Variants in DGKG observed in about 807,000 individuals in gnomAD.
DGKG encodes the protein DAG kinase gamma.
A neutral mutation model predicts 105.3 loss-of-function variants in DGKG; 78 were observed. That is an observed-to-expected ratio of 0.74 (90% CI 0.62 to 0.89). The LOEUF (loss-of-function observed/expected upper bound fraction) is 0.89, where lower values mean the gene tolerates loss of function less well. Ranked by LOEUF, DGKG falls within the 40% of genes least tolerant of loss-of-function variation. DGKG has a pLI of 0.00. For missense variants in DGKG, 958 were observed against 1,020.1 expected, an observed-to-expected ratio of 0.94 and a Z score of 0.83; for synonymous variants, 346 against 367.1, an observed-to-expected ratio of 0.94 and a Z score of 0.66.
intron 1 of DGKG, among the ~76,000 whole-genome samples, chr3:186,352,861 C>T (rs565458050): frequency 4.6e-5 from 7 of 152,230 alleles, no homozygotes; most frequent in East Asian, 3.9e-4. Flanking sequence ...AATGTGGCCA[C>T]GTCAGTCCCC....
At chr3:186,151,716 G>C (rs943195863) in intron 24 of DGKG, among the ~76,000 whole-genome samples, 1 of 152,164 alleles carries the variant, frequency 6.6e-6, no homozygotes, top group Non-Finnish European at 1.5e-5. Context: ...AAGAGTTTGA[G>C]GGAAATTATT....
At chr3:186,298,764 A>G (rs1723722612) in intron 3 of DGKG, among the ~76,000 whole-genome samples, 1 of 152,210 alleles carries the variant, frequency 6.6e-6, no homozygotes, top group Non-Finnish European at 1.5e-5. Flanking sequence ...CTGAGTATTC[A>G]GGTCTCAGAA....
In DGKG at chr3:186,320,585, G is replaced by T. The variant is rs1725031319; in HGVS notation, c.-126C>A. 6.5e-7 allele frequency: 1 copy of T among 1,533,924 alleles called. No homozygotes were observed. The highest frequency in any genetic ancestry group is 1.4e-5 in the African/African-American group (1 of 72,810). On this transcript the variant is annotated 5_prime_UTR_variant, in exon 2 of 25. Coordinates refer to ENST00000265022, the MANE Select transcript of DGKG (RefSeq NM_001346.3). ...ATGTAAGCCTTTCAGGAGACTTCTG[G>T]GAGCACTCAAGTGTATACAGCAGCA...
intron 20 of DGKG, among the ~76,000 whole-genome samples, chr3:186,217,639 G>C (rs1324053412): frequency 1.3e-5 from 2 of 152,178 alleles, no homozygotes; most frequent in East Asian, 3.8e-4. Flanking sequence ...CAGCAATTTA[G>C]GGCTGAAATC....
intron 2 of DGKG, among the ~76,000 whole-genome samples, chr3:186,312,331 G>A (rs973093659): frequency 3.2e-4 from 48 of 152,176 alleles, no homozygotes; most frequent in African/African-American, 1.0e-3. Flanking sequence ...TGTAATGTGC[G>A]TATGAGTCAC....
chr3:186,179,080 G>A (rs1717233638), intron 22 of DGKG, among the ~76,000 whole-genome samples: 1 of 152,178 alleles, frequency 6.6e-6, no homozygotes, highest in African/African-American at 2.4e-5. Flanking sequence ...CCTGCAGTGG[G>A]ACTTGAGAGT....
At chr3:186,212,071 G>A (rs75943036) in intron 20 of DGKG, among the ~76,000 whole-genome samples, 186 bp from the exon 21 acceptor site, 3,128 of 152,322 alleles carry the variant, frequency 0.021, 52 homozygotes, top group Non-Finnish European at 0.03. Flanking sequence ...TCGGAACTTA[G>A]AGAAAATCCA....
At chr3:186,205,717 A>C (rs1001604151) in intron 21 of DGKG, among the ~76,000 whole-genome samples, 9 of 149,888 alleles carry the variant, frequency 6.0e-5, no homozygotes, top group Non-Finnish European at 1.2e-4. Context: ...TCAAAAAAAA[A>C]CCAAAACAAC....
intron 19 of DGKG, among the ~76,000 whole-genome samples, chr3:186,251,411 T>C (rs150721334): frequency 3.4e-4 from 52 of 152,222 alleles, no homozygotes; most frequent in African/African-American, 1.1e-3. Flanking sequence ...CATGTGAGAG[T>C]TTCCTACCAA....
intron 14 of DGKG, 56 bp from the exon 15 acceptor site, chr3:186,261,834 G>T: frequency 8.6e-7 from 1 of 1,162,128 alleles, no homozygotes; most frequent in Non-Finnish European, 1.2e-6. Context: ...GGGGGCGTGA[G>T]ATGAGAGTTG....
chr3:186,270,694 C>T (rs1332349328), intron 11 of DGKG, among the ~76,000 whole-genome samples: 2 of 152,266 alleles, frequency 1.3e-5, no homozygotes, highest in African/African-American at 4.8e-5. Context: ...AGTGACTGGC[C>T]CTAGGTTCCA....
intron 20 of DGKG, among the ~76,000 whole-genome samples, chr3:186,239,789 T>C (rs1362249015): frequency 6.6e-6 from 1 of 152,078 alleles, no homozygotes; most frequent in Non-Finnish European, 1.5e-5. Context: ...GCTGAGAACC[T>C]ACCCTCAGAG....
In DGKG at chr3:186,268,867, C is replaced by G. The variant is rs369950391; in HGVS notation, c.1050G>C (p.Arg350=). The G allele has an allele frequency of 3.7e-6, 6 of 1,613,956 alleles. No homozygotes were observed. The highest frequency in any genetic ancestry group is 4.2e-6 in the Non-Finnish European group (5 of 1,180,020). ...VEGNSSVKCD[R]CHKSIKCYQS... The stretch of plus-strand genomic sequence containing the variant: ...GGTAGCACTTGATACTTTTGTGGCA[C>G]CGGTCACACTTGACGGAGGAGTTCC... Residue 350 remains arginine, a synonymous_variant, in exon 12 of 25, where the codon CGG becomes CGC. Transcript: ENST00000265022.
At chr3:186,190,810 GATTAAGTC>G (rs1717870126) in intron 21 of DGKG, among the ~76,000 whole-genome samples, 1 of 152,140 alleles carries the variant, frequency 6.6e-6, no homozygotes, top group South Asian at 2.1e-4. Flanking sequence ...ATCATTTGGG[GATTAAGTC>G]ATTAATATGT....
In DGKG at chr3:186,298,296, A is replaced by G. The variant is rs1369953239; in HGVS notation, c.145-67T>C. On this transcript the variant is annotated intron_variant, in intron 3 of 24. Transcript: ENST00000265022. The stretch of plus-strand genomic sequence containing the variant: ...AGGGACAGAGAGGAAGAGAGAAGGA[A>G]AAGGAATAGAAAAGCTGGCAGGTGA... 5.5e-6 allele frequency: 8 copies of G among 1,452,070 alleles called. No individual in the cohort carries two copies. The East Asian group carries it at 1.6e-4, about 30-fold the overall frequency. 89.9% of individuals were successfully genotyped at this position (1,452,070 alleles called of 1,614,324 possible).
At chr3:186,186,436 G>A (rs1717643180) in intron 22 of DGKG, among the ~76,000 whole-genome samples, 1 of 152,152 alleles carries the variant, frequency 6.6e-6, no homozygotes, top group Non-Finnish European at 1.5e-5. Flanking sequence ...AGAGTCATCT[G>A]GGGAGCTCAT....
At chr3:186,269,164 C>A (rs969334116) in intron 11 of DGKG, among the ~76,000 whole-genome samples, 1 of 152,264 alleles carries the variant, frequency 6.6e-6, no homozygotes, top group Non-Finnish European at 1.5e-5. Context: ...ACAGCTCAAT[C>A]GCCCTGGAAG....
At chr3:186,192,850 C>G (rs1717972500) in intron 21 of DGKG, among the ~76,000 whole-genome samples, 1 of 152,184 alleles carries the variant, frequency 6.6e-6, no homozygotes, top group African/African-American at 2.4e-5. Flanking sequence ...TATCTTGCCT[C>G]CGCACCAGGT....
chr3:186,357,075 G>A (rs1334436836), intron 1 of DGKG, among the ~76,000 whole-genome samples: 1 of 152,088 alleles, frequency 6.6e-6, no homozygotes, highest in African/African-American at 2.4e-5. Flanking sequence ...TGTTGTGTGG[G>A]GAGTTGGAGC....
Sources: gnomAD v4.1 joint callset for allele counts (sites outside exome capture counted in the v4.1 genomes callset) on GRCh38, gnomAD v4.1.1 for gene constraint, MANE v1.5 for transcripts, NCBI Gene and HGNC (gene_info 2026-07-23, HGNC 2026-07-21) for gene names.